Variants in RFX7 observed in about 807,000 individuals in gnomAD.
RFX7 encodes the protein regulatory factor X7.
In RFX7, 26 loss-of-function variants were observed where a neutral mutation model predicts 111.8. The ratio of observed to expected loss-of-function variants is 0.23; its 90% CI spans 0.17 to 0.32. RFX7 has a LOEUF of 0.32. RFX7 is among the 10% of genes least tolerant of loss of function. The pLI is 1.00. For synonymous variants in RFX7, 624 were observed against 624.4 expected, an observed-to-expected ratio of 1.00 and a Z score of 0.01; for missense variants, 1,573 against 1,772.9, an observed-to-expected ratio of 0.89 and a Z score of 2.02.
intron 2 of RFX7, among the ~76,000 whole-genome samples, chr15:56,222,644 C>T (rs2043439436): frequency 6.6e-6 from 1 of 151,886 alleles, no homozygotes; most frequent in African/African-American, 2.4e-5. Flanking sequence ...ATTTTTTGTT[C>T]TAGGTTTTCC....
intron 5 of RFX7, among the ~76,000 whole-genome samples, chr15:56,119,428 T>C (rs1413829586): frequency 6.6e-6 from 1 of 152,168 alleles, no homozygotes; most frequent in African/African-American, 2.4e-5. Flanking sequence ...CCCAGCATCA[T>C]TTATTGAAGA....
At chr15:56,180,195 C>A (rs1277607130) in intron 2 of RFX7, among the ~76,000 whole-genome samples, 2 of 152,100 alleles carry the variant, frequency 1.3e-5, no homozygotes, top group Non-Finnish European at 2.9e-5. Flanking sequence ...TGTAGCCATA[C>A]AGCTAAGCTA....
intron 5 of RFX7, among the ~76,000 whole-genome samples, chr15:56,134,851 G>C (rs1328026730): frequency 6.6e-6 from 1 of 152,006 alleles, no homozygotes; most frequent in Admixed American, 6.6e-5. Flanking sequence ...ACCTATGAGT[G>C]AGAATATGCA....
At chr15:56,208,144 A>G (rs1435849246) in intron 2 of RFX7, among the ~76,000 whole-genome samples, 1 of 152,222 alleles carries the variant, frequency 6.6e-6, no homozygotes, top group African/African-American at 2.4e-5. Context: ...TTCATGCCTT[A>G]GACAAGGGAA....
At chr15:56,233,718 G>C (rs1285717683) in intron 2 of RFX7, among the ~76,000 whole-genome samples, 1 of 152,188 alleles carries the variant, frequency 6.6e-6, no homozygotes, top group East Asian at 1.9e-4. Flanking sequence ...AAGGTACTAA[G>C]GCATAGAAAA....
intron 2 of RFX7, among the ~76,000 whole-genome samples, chr15:56,230,097 T>C (rs1274031202): frequency 6.6e-6 from 1 of 152,196 alleles, no homozygotes; most frequent in Admixed American, 6.5e-5. Flanking sequence ...TCAAACCCTC[T>C]GCTAGGACCA....
intron 3 of RFX7, among the ~76,000 whole-genome samples, chr15:56,169,688 T>C (rs1364556143): frequency 6.8e-6 from 1 of 146,010 alleles, no homozygotes; most frequent in Non-Finnish European, 1.5e-5. Flanking sequence ...TCTGCTATAA[T>C]GCTAGTCAGT....
chr15:56,175,416 A>G (rs1165423786), intron 3 of RFX7, among the ~76,000 whole-genome samples: 2 of 152,182 alleles, frequency 1.3e-5, no homozygotes, highest in African/African-American at 2.4e-5. Context: ...AAAAATAAAA[A>G]TTGACAAAGT....
chr15:56,232,508 A>G (rs1422176439), intron 2 of RFX7, among the ~76,000 whole-genome samples: 1 of 151,864 alleles, frequency 6.6e-6, no homozygotes. Flanking sequence ...CATTTTCCCC[A>G]TTGTCTTGGT....
At chr15:56,151,496 G>A (rs1333150426) in intron 3 of RFX7, among the ~76,000 whole-genome samples, 1 of 152,174 alleles carries the variant, frequency 6.6e-6, no homozygotes, top group Non-Finnish European at 1.5e-5. Flanking sequence ...ATCCTTTACA[G>A]ACAAGCAAAT....
chr15:56,238,766 C>T (rs1042487945), intron 2 of RFX7, among the ~76,000 whole-genome samples: 2 of 152,154 alleles, frequency 1.3e-5, no homozygotes, highest in East Asian at 1.9e-4. Context: ...AAGTTTAATA[C>T]AAGTTGACTA....
intron 5 of RFX7, among the ~76,000 whole-genome samples, chr15:56,122,325 GTGCATTACCA>G (rs1442139475): frequency 6.6e-6 from 1 of 152,098 alleles, no homozygotes; most frequent in African/African-American, 2.4e-5. Context: ...GAAGAATTCT[GTGCATTACCA>G]TGCAGAGATT....
Position 56,094,210 on chromosome 15 carries a change from C to T in RFX7, c.3518G>A (p.Arg1173His), listed in dbSNP as rs754757785. Residue 1173 changes from arginine (R) to histidine (H), a missense_variant, in exon 10 of 10, where the codon CGC (arginine) becomes CAC (histidine). Coordinates refer to ENST00000559447, the MANE Select transcript of RFX7 (RefSeq NM_022841.7). ...RCRSVSPAVHRQRNLSGSTLY... is the reference protein window; with the variant it reads ...RCRSVSPAVHHQRNLSGSTLY... ...GGTGCTTCCACTAAGATTACGTTGG[C>T]GATGAACAGCAGGGCTCACACTCCG... is the stretch of plus-strand genomic sequence containing the variant. 9.9e-6 allele frequency: 16 copies of T among 1,613,898 alleles called. No individual in the cohort carries two copies. The highest frequency in any genetic ancestry group is 1.2e-5 in the Non-Finnish European group (14 of 1,179,862).
intron 2 of RFX7, among the ~76,000 whole-genome samples, chr15:56,233,283 G>A (rs369893810): frequency 6.6e-6 from 1 of 152,210 alleles, no homozygotes; most frequent in African/African-American, 2.4e-5. Flanking sequence ...GAGAAAGAGA[G>A]AGCTAAGTGA....
intron 5 of RFX7, among the ~76,000 whole-genome samples, chr15:56,127,593 G>A (rs1337963343): frequency 6.7e-6 from 1 of 149,984 alleles, no homozygotes; most frequent in East Asian, 2.0e-4. Flanking sequence ...TGTCGCCCAG[G>A]CTGGAGTGCA....
At chr15:56,233,069 C>T (rs190310089) in intron 2 of RFX7, among the ~76,000 whole-genome samples, 1 of 152,266 alleles carries the variant, frequency 6.6e-6, no homozygotes, top group Admixed American at 6.5e-5. Context: ...CAGCAGTGCC[C>T]CACTCTACCA....
intron 3 of RFX7, among the ~76,000 whole-genome samples, chr15:56,161,538 T>C (rs1463500367): frequency 2.0e-5 from 3 of 152,120 alleles, no homozygotes; most frequent in African/African-American, 4.8e-5. Flanking sequence ...ATTTCGGTTT[T>C]CTTAGCTATT....
intron 3 of RFX7, among the ~76,000 whole-genome samples, chr15:56,172,049 A>T (rs1432876955): frequency 6.6e-6 from 1 of 152,160 alleles, no homozygotes; most frequent in African/African-American, 2.4e-5. Context: ...CATCTTAAGG[A>T]ATTTTAAAAA....
intron 3 of RFX7, among the ~76,000 whole-genome samples, chr15:56,154,489 T>A (rs531683195): frequency 3.3e-5 from 5 of 152,236 alleles, no homozygotes; most frequent in African/African-American, 1.2e-4. Context: ...TATCTACAAC[T>A]ATCTGATCTT....
Sources: allele counts gnomAD v4.1 joint callset (sites outside exome capture counted in the v4.1 genomes callset), GRCh38; gene constraint gnomAD v4.1.1; transcripts MANE v1.5; gene names NCBI Gene and HGNC (gene_info 2026-07-23, HGNC 2026-07-21).